NELL1: variants seen among roughly 807,000 people sequenced by gnomAD.
The protein encoded by NELL1 is protein kinase C-binding protein NELL1.
In NELL1, 76 loss-of-function variants were observed where a neutral mutation model predicts 107.4. That is an observed-to-expected ratio of 0.71 (90% CI 0.59 to 0.86). The LOEUF is 0.86. Among genes scored for constraint, NELL1 ranks in the 40% least tolerant of loss-of-function variants. The pLI is 0.00. For synonymous variants in NELL1, 353 were observed against 341.2 expected (o/e 1.03, Z -0.38); for missense variants, 1,024 against 1,005.5 (o/e 1.02, Z -0.25).
intron 12 of NELL1, among the ~76,000 whole-genome samples, chr11:20,995,243 A>G (rs961172530): frequency 1.3e-5 from 2 of 152,124 alleles, no homozygotes; most frequent in Admixed American, 6.6e-5. Context: ...TAGTTAACTA[A>G]TTTTAGTAGC....
chr11:21,454,939 A>T (rs200072321), intron 15 of NELL1, among the ~76,000 whole-genome samples: 1 of 152,330 alleles, frequency 6.6e-6, no homozygotes, highest in African/African-American at 2.4e-5. Context: ...GAGAACACAG[A>T]TATTTAGTCC....
rs537949512 is a variant in NELL1 at position 21,156,711 on chromosome 11, T to C, written c.1426+42997T>C. Among the ~76,000 whole-genome samples, 8 of 151,646 alleles carry C rather than the reference T, an allele frequency of 5.3e-5. No individual in the cohort carries two copies. In the South Asian group the frequency reaches 1.7e-3, roughly 32 times the overall value. On this transcript the variant is annotated intron_variant, in intron 13 of 19. Coordinates refer to ENST00000357134, the MANE Select transcript of NELL1 (RefSeq NM_006157.5). ...TCGAGGTCAAAACTTTGAAAGTACA[T>C]TAGTCAGCAGGTCATTCATAGGGAC...
chr11:20,828,303 A>G (rs776372747), intron 3 of NELL1, among the ~76,000 whole-genome samples: 9 of 151,610 alleles, frequency 5.9e-5, no homozygotes, highest in Non-Finnish European at 1.3e-4. Flanking sequence ...CATGATTTAA[A>G]TGAGATATTC....
intron 15 of NELL1, among the ~76,000 whole-genome samples, chr11:21,388,195 T>C (rs568849948): frequency 8.3e-4 from 126 of 151,866 alleles, no homozygotes; most frequent in Non-Finnish European, 1.5e-3. Flanking sequence ...GTCAGAAAGA[T>C]GACATTGTAA....
intron 12 of NELL1, among the ~76,000 whole-genome samples, chr11:21,076,936 C>A (rs1236842194): frequency 6.6e-6 from 1 of 152,118 alleles, no homozygotes; most frequent in Non-Finnish European, 1.5e-5. Flanking sequence ...GTTGCAGATG[C>A]CAACCTATGC....
At chr11:21,479,328 C>T (rs893065846) in intron 15 of NELL1, among the ~76,000 whole-genome samples, 4 of 152,040 alleles carry the variant, frequency 2.6e-5, no homozygotes. Flanking sequence ...AAATGTGGTA[C>T]CTATATATAC....
At chr11:21,050,277 C>A (rs563061289) in intron 12 of NELL1, among the ~76,000 whole-genome samples, 2 of 130,620 alleles carry the variant, frequency 1.5e-5, no homozygotes, top group Admixed American at 1.5e-4. Flanking sequence ...CCCCGCCCCC[C>A]ACTTTTTTTT....
intron 12 of NELL1, among the ~76,000 whole-genome samples, chr11:20,980,607 T>G (rs1339123906): frequency 6.6e-6 from 1 of 152,220 alleles, no homozygotes; most frequent in Non-Finnish European, 1.5e-5. Flanking sequence ...GAAATAAGCC[T>G]AAATAAGTTC....
rs187712042 is a variant in NELL1, at chr11:21,242,751, A to G, written c.1549+13297A>G. On this transcript the variant is annotated intron_variant, in intron 14 of 19. Coordinates refer to ENST00000357134, the MANE Select transcript of NELL1 (RefSeq NM_006157.5). ...TCATCACCACTTTTCTCTGGCTTCAATCAAATTAAAGACAGTTGCTTTTTA... is the reference window on the plus strand; with the variant it reads ...TCATCACCACTTTTCTCTGGCTTCAGTCAAATTAAAGACAGTTGCTTTTTA... Among the ~76,000 whole-genome samples, 509 of 152,224 alleles carry G rather than the reference A, an allele frequency of 3.3e-3. 6 individuals are homozygous for G. The highest frequency in any genetic ancestry group is 2.1e-3 in the African/African-American group (86 of 41,548).
chr11:21,379,653 T>G (rs1389000238), intron 15 of NELL1, among the ~76,000 whole-genome samples: 6 of 152,124 alleles, frequency 3.9e-5, no homozygotes, highest in African/African-American at 1.4e-4. Context: ...ACAGTCAAAA[T>G]TTTTCTTAGT....
chr11:20,798,358 G>T (rs1410528197), intron 3 of NELL1, among the ~76,000 whole-genome samples: 1 of 152,158 alleles, frequency 6.6e-6, no homozygotes, highest in African/African-American at 2.4e-5. Context: ...TTGTATATGT[G>T]CATGTTAGAT....
At chr11:21,337,813 T>TTTCC (rs1166955189) in intron 14 of NELL1, among the ~76,000 whole-genome samples, 3 of 42,156 alleles carry the variant, frequency 7.1e-5, no homozygotes, top group African/African-American at 1.5e-4. Context: ...TCTTTCTTGC[T>TTTCC]TTCCTTCTTT....
At chr11:20,976,120 GTATTA>G (rs1325986246) in intron 12 of NELL1, among the ~76,000 whole-genome samples, 2 of 127,510 alleles carry the variant, frequency 1.6e-5, no homozygotes, top group East Asian at 5.0e-4. Flanking sequence ...GTACATATAT[GTATTA>G]TGTATACACA....
intron 4 of NELL1, 140 bp from the exon 5 acceptor site, chr11:20,885,304 G>A (rs1453418349): frequency 5.3e-5 from 32 of 609,424 alleles, no homozygotes; most frequent in Middle Eastern, 5.2e-4. Flanking sequence ...CTACATTCAT[G>A]TTATCTGTCA....
intron 2 of NELL1, among the ~76,000 whole-genome samples, chr11:20,680,592 G>A (rs1854166497): frequency 6.6e-6 from 1 of 152,094 alleles, no homozygotes; most frequent in East Asian, 1.9e-4. Context: ...CCAAAGGAAG[G>A]AAATGGAAAG....
chr11:20,768,005 TGG>T (rs1398000628), intron 2 of NELL1, among the ~76,000 whole-genome samples: 1 of 152,116 alleles, frequency 6.6e-6, no homozygotes, highest in African/African-American at 2.4e-5. Flanking sequence ...GACTTTACAT[TGG>T]GGAAGGCTTC....
At chr11:21,521,719 C>T (rs997680170) in intron 15 of NELL1, among the ~76,000 whole-genome samples, 2 of 152,046 alleles carry the variant, frequency 1.3e-5, no homozygotes, top group Non-Finnish European at 2.9e-5. Flanking sequence ...ATTTACATTC[C>T]CATCAACAGT....
chr11:21,032,187 C>T (rs1215228331), intron 12 of NELL1, among the ~76,000 whole-genome samples: 3 of 151,908 alleles, frequency 2.0e-5, no homozygotes, highest in Non-Finnish European at 4.4e-5. Flanking sequence ...CATTGTACTT[C>T]GGCTCCAGTG....
intron 14 of NELL1, among the ~76,000 whole-genome samples, chr11:21,300,741 A>G (rs1233837936): frequency 6.6e-6 from 1 of 151,844 alleles, no homozygotes; most frequent in African/African-American, 2.4e-5. Flanking sequence ...TTTCAAATTA[A>G]CTCCATATTA....
Sources: allele counts gnomAD v4.1 joint callset (sites outside exome capture counted in the v4.1 genomes callset), GRCh38; gene constraint gnomAD v4.1.1; transcripts MANE v1.5; gene names NCBI Gene and HGNC (gene_info 2026-07-23, HGNC 2026-07-21).